EFHD1: variants seen among roughly 807,000 people sequenced by gnomAD.
EFHD1 encodes EF-hand domain-containing protein D1.
A neutral mutation model predicts 17.2 loss-of-function variants in EFHD1; 10 were observed. The observed-to-expected ratio is 0.58, with a 90% CI of 0.36 to 0.99. The LOEUF (loss-of-function observed/expected upper bound fraction) is 0.99, where lower values mean the gene tolerates loss of function less well. Among genes scored for constraint, EFHD1 ranks in the 50% least tolerant of loss-of-function variants. The pLI, the probability that EFHD1 is intolerant of heterozygous loss-of-function variation, is 0.01. For synonymous variants in EFHD1, 153 were observed against 142.0 expected (o/e 1.08, Z -0.55); for missense variants, 310 against 327.5 (o/e 0.95, Z 0.41).
At chr2:232,651,511 C>T (rs986515237) in intron 1 of EFHD1, among the ~76,000 whole-genome samples, 1 of 152,230 alleles carries the variant, frequency 6.6e-6, no homozygotes, top group Non-Finnish European at 1.5e-5. Flanking sequence ...TAAGTGTTCC[C>T]CCTTCCCCCG....
At chr2:232,618,823 A>G (rs1285565167) in intron 1 of EFHD1, among the ~76,000 whole-genome samples, 1 of 152,016 alleles carries the variant, frequency 6.6e-6, no homozygotes, top group Non-Finnish European at 1.5e-5. Flanking sequence ...ACAAAAGGTC[A>G]CATATTATAT....
chr2:232,619,599 T>C (rs137941261), intron 1 of EFHD1, among the ~76,000 whole-genome samples: 63 of 152,294 alleles, frequency 4.1e-4, no homozygotes, highest in African/African-American at 1.5e-3. Flanking sequence ...TGTGAGCCAC[T>C]GTGCCCAGCC....
chr2:232,619,379 C>T (rs1237475971), intron 1 of EFHD1, among the ~76,000 whole-genome samples: 6 of 148,846 alleles, frequency 4.0e-5, no homozygotes, highest in Admixed American at 6.7e-5. Flanking sequence ...GGCGCGATCT[C>T]GGCTCACTGC....
chr2:232,621,217 C>T lies in EFHD1; in HGVS notation c.14+15044C>T, dbSNP rs532636121. On this transcript the variant is annotated intron_variant, in intron 1 of 3. Coordinates refer to the EFHD1 transcript ENST00000409613. Reference sequence around the variant, plus strand: ...AGGGATGTGGGTGAAGGCTGTAAGGCGCTCCCTCCAAAATTGGCGTAGTCT... The same window carrying T: ...AGGGATGTGGGTGAAGGCTGTAAGGTGCTCCCTCCAAAATTGGCGTAGTCT... 6.6e-5 allele frequency among the ~76,000 whole-genome samples: 10 copies of T among 152,130 alleles called. No individual in the cohort carries two copies. In the East Asian group the frequency reaches 1.7e-3, roughly 26 times the overall value.
intron 1 of EFHD1, among the ~76,000 whole-genome samples, chr2:232,642,106 C>T (rs575814068): frequency 7.2e-5 from 11 of 152,050 alleles, no homozygotes; most frequent in African/African-American, 1.7e-4. Flanking sequence ...CAAATGAGGC[C>T]GGGAGTGGTG....
intron 3 of EFHD1, among the ~76,000 whole-genome samples, chr2:232,675,869 A>G (rs1359650717): frequency 6.6e-6 from 1 of 151,842 alleles, no homozygotes; most frequent in Admixed American, 6.6e-5. Context: ...AGTTGATGAT[A>G]TTTTTCATCA....
chr2:232,623,950 G>T (rs1395580053), intron 1 of EFHD1, among the ~76,000 whole-genome samples: 1 of 152,032 alleles, frequency 6.6e-6, no homozygotes, highest in Admixed American at 6.6e-5. Context: ...AGAGTTGACC[G>T]ACCAGATGTA....
At chr2:232,627,246 GAAAA>G (rs1172175802) in intron 1 of EFHD1, among the ~76,000 whole-genome samples, 1 of 93,802 alleles carries the variant, frequency 1.1e-5, no homozygotes. Flanking sequence ...AACACAAACA[GAAAA>G]AAAAAAAAAA....
chr2:232,648,828 G>GAAA (rs1337448767), intron 1 of EFHD1, among the ~76,000 whole-genome samples: 1 of 152,154 alleles, frequency 6.6e-6, no homozygotes, highest in Non-Finnish European at 1.5e-5. Context: ...CCTGGCTGTT[G>GAAA]AAAAAGGCAA....
rs1287445735 is a variant in EFHD1 at position 232,623,711 on chromosome 2, AAG to A, written c.14+17540_14+17541del. Among the ~76,000 whole-genome samples the A allele has an allele frequency of 9.8e-3, 1,382 of 140,928 alleles. 25 individuals carry two copies. The highest frequency in any genetic ancestry group is 0.034 in the African/African-American group (1,304 of 38,204). The allele number at this position is 140,928 out of a possible 152,430, so 92.5% of individuals were successfully genotyped here. On this transcript the variant is annotated intron_variant, in intron 1 of 3. Transcript: ENST00000409613. ...AAAAAAAAAGAAGAAGAAGAAGAAG[AAG>A]AAGAAAGAAAGAAAGAAAAAAAAGA...
chr2:232,675,620 G>A (rs921269200), intron 3 of EFHD1, among the ~76,000 whole-genome samples: 1 of 152,192 alleles, frequency 6.6e-6, no homozygotes, highest in Non-Finnish European at 1.5e-5. Context: ...GAGCCGTTGA[G>A]TGTTTGAGCA....
At chr2:232,655,040 C>T (rs748804479) in intron 1 of EFHD1, among the ~76,000 whole-genome samples, 5 of 152,202 alleles carry the variant, frequency 3.3e-5, no homozygotes, top group Non-Finnish European at 5.9e-5. Context: ...TTGTTCATGT[C>T]CCAAATGATT....
intron 3 of EFHD1, among the ~76,000 whole-genome samples, chr2:232,677,118 A>G (rs1695187061): frequency 6.6e-6 from 1 of 151,982 alleles, no homozygotes; most frequent in African/African-American, 2.4e-5. Context: ...CACATCTGCA[A>G]TCCCAGCACA....
rs983959718 is a variant in EFHD1, at chr2:232,662,808, C to T, written c.309C>T (p.Asp103=). 18 of 1,577,060 alleles carry T rather than the reference C, an allele frequency of 1.1e-5. No individual in the cohort carries two copies. In the East Asian group the frequency reaches 1.2e-4, roughly 11 times the overall value. The part of the protein sequence containing the change: ...KDLESMFKLY[D]AGRDGFIDLM... ...CATTCCTTTGACCCTGCAGGTATGA[C>T]GCTGGGCGGGATGGCTTCATCGACC... The change falls in exon 2 of 4, where the codon GAC becomes GAT. Residue 103 remains aspartate, a synonymous_variant. Transcript: ENST00000264059.
chr2:232,679,222 A>G (rs957793029), intron 3 of EFHD1, among the ~76,000 whole-genome samples: 2 of 152,194 alleles, frequency 1.3e-5, no homozygotes, highest in Non-Finnish European at 2.9e-5. Flanking sequence ...ATAAAATGCA[A>G]ATGGCAGAAC....
At chr2:232,667,646 G>A (rs941332862) in intron 2 of EFHD1, among the ~76,000 whole-genome samples, 8 of 151,520 alleles carry the variant, frequency 5.3e-5, no homozygotes, top group Non-Finnish European at 1.0e-4. Flanking sequence ...TCCGCCTCCC[G>A]GGTTCAAACG....
At chr2:232,671,569 A>C (rs1437932736) in intron 2 of EFHD1, among the ~76,000 whole-genome samples, 1 of 150,610 alleles carries the variant, frequency 6.6e-6, no homozygotes, top group East Asian at 2.0e-4. Context: ...CTACTAAAAT[A>C]CAAAAAAATT....
chr2:232,629,644 T>G (rs1197638368), upstream of EFHD1, among the ~76,000 whole-genome samples: 2 of 151,850 alleles, frequency 1.3e-5, no homozygotes, highest in African/African-American at 4.8e-5. Context: ...AACGGTTGTA[T>G]TTTTAGTAGA....
Position 232,609,797 on chromosome 2 carries a change from T to G in EFHD1, c.14+3624T>G, listed in dbSNP as rs538145388. 7.2e-5 allele frequency among the ~76,000 whole-genome samples: 11 copies of G among 152,334 alleles called. No individual in the cohort carries two copies. The South Asian group carries it at 2.3e-3, about 32-fold the overall frequency. On this transcript the variant is annotated intron_variant, in intron 1 of 3. Coordinates refer to the EFHD1 transcript ENST00000409613. Reference sequence around the variant, plus strand: ...TCCTCACCTTTCTGGCCTTACCTTTTGGCACACAACACAAAAACTCCAGGT... The same window carrying G: ...TCCTCACCTTTCTGGCCTTACCTTTGGGCACACAACACAAAAACTCCAGGT...
Sources: allele counts gnomAD v4.1 joint callset (sites outside exome capture counted in the v4.1 genomes callset), GRCh38; gene constraint gnomAD v4.1.1; transcripts MANE v1.5; gene names NCBI Gene and HGNC (gene_info 2026-07-23, HGNC 2026-07-21).